The following PABPC4L variants were observed in gnomAD, a reference collection of about 807,000 sequenced individuals.
PABPC4L encodes the protein polyadenylate-binding protein 4-like.
For synonymous variants in PABPC4L, 169 were observed against 164.1 expected, an observed-to-expected ratio of 1.03 and a Z score of -0.23; for missense variants, 452 against 451.4, an observed-to-expected ratio of 1.00 and a Z score of -0.01.
the PABPC4L span, among the ~76,000 whole-genome samples, chr4:133,959,202 A>T: frequency 4.6e-5 from 7 of 152,342 alleles, no homozygotes; most frequent in South Asian, 1.2e-3. Flanking sequence ...GCTGTGTCAC[A>T]GTAGATAGTA....
chr4:134,082,726 C>T, the PABPC4L span, among the ~76,000 whole-genome samples: 134 of 152,124 alleles, frequency 8.8e-4, no homozygotes, highest in African/African-American at 3.2e-3. Flanking sequence ...TTCATTCTCT[C>T]CTCAACCTTA....
chr4:134,195,687 G>T (rs1578880193), downstream of PABPC4L, among the ~76,000 whole-genome samples: 1 of 151,768 alleles, frequency 6.6e-6, no homozygotes, highest in East Asian at 1.9e-4. Flanking sequence ...CTTCTCATTT[G>T]GATTCAATTG....
At chr4:133,993,249 G>A in the PABPC4L span, among the ~76,000 whole-genome samples, 2,214 of 152,052 alleles carry the variant, frequency 0.015, 32 homozygotes, top group Non-Finnish European at 0.024. Context: ...TGTTTTCTGA[G>A]CATATTTTTA....
the PABPC4L span, among the ~76,000 whole-genome samples, chr4:134,185,400 C>G: frequency 6.6e-6 from 1 of 151,958 alleles, no homozygotes; most frequent in South Asian, 2.1e-4. Flanking sequence ...AATCAATAAA[C>G]GTAATCCATC....
chr4:134,164,765 G>GA, the PABPC4L span, among the ~76,000 whole-genome samples: 7 of 149,916 alleles, frequency 4.7e-5, no homozygotes, highest in East Asian at 7.8e-4. Context: ...CACAGAATTA[G>GA]AAAAAAAAAG....
the PABPC4L span, among the ~76,000 whole-genome samples, chr4:134,130,401 C>G: frequency 6.6e-6 from 1 of 152,050 alleles, no homozygotes; most frequent in Non-Finnish European, 1.5e-5. Context: ...ATTATGAATG[C>G]CTTTATGCAG....
At chr4:134,027,256 GA>G in the PABPC4L span, among the ~76,000 whole-genome samples, 8 of 152,054 alleles carry the variant, frequency 5.3e-5, no homozygotes, top group Non-Finnish European at 4.4e-5. Context: ...ATTAACCTGA[GA>G]TTGCAATCCT....
At chr4:134,024,453 T>A in the PABPC4L span, among the ~76,000 whole-genome samples, 1 of 152,168 alleles carries the variant, frequency 6.6e-6, no homozygotes, top group Non-Finnish European at 1.5e-5. Flanking sequence ...GACCTGCAGA[T>A]GGCCACCTTC....
rs1318005403 is a variant in PABPC4L at position 134,200,063 on chromosome 4, A to G, written c.957T>C (p.Ile319=). Residue 319 remains isoleucine (I), a synonymous_variant, in exon 2 of 2, where the codon ATT becomes ATC. Coordinates refer to ENST00000421491, the MANE Select transcript of PABPC4L (RefSeq NM_001114734.2). ...LRNEFSSFGS[I]SRVKVMQEEG... is the part of the protein sequence containing the mutation. Reference sequence around the variant, plus strand: ...CTTCCTGCATTACCTTAACTCTGCTAATTGATCCAAATGAAGAAAATTCGT... The same window carrying G: ...CTTCCTGCATTACCTTAACTCTGCTGATTGATCCAAATGAAGAAAATTCGT... The G allele has an allele frequency of 6.4e-7, 1 of 1,551,682 alleles. No individual in the cohort carries two copies. Among genetic ancestry groups the G allele is most frequent in the African/African-American group, 1.4e-5 (1 of 73,168 alleles).
At chr4:134,026,526 G>A in the PABPC4L span, among the ~76,000 whole-genome samples, 1 of 152,062 alleles carries the variant, frequency 6.6e-6, no homozygotes, top group Non-Finnish European at 1.5e-5. Flanking sequence ...TAGTTAATAT[G>A]CAAGTCTGAT....
the PABPC4L span, among the ~76,000 whole-genome samples, chr4:134,099,616 A>T: frequency 6.6e-6 from 1 of 151,808 alleles, no homozygotes; most frequent in African/African-American, 2.4e-5. Context: ...TTTAAAAAAC[A>T]ATTACAAAAT....
At chr4:134,080,214 A>G in the PABPC4L span, among the ~76,000 whole-genome samples, 1 of 152,114 alleles carries the variant, frequency 6.6e-6, no homozygotes, top group African/African-American at 2.4e-5. Flanking sequence ...AGAAAACACG[A>G]TTTGATCCAT....
chr4:133,966,793 T>C, the PABPC4L span, among the ~76,000 whole-genome samples: 2 of 151,982 alleles, frequency 1.3e-5, no homozygotes, highest in African/African-American at 4.8e-5. Flanking sequence ...ACAATGGACT[T>C]TGGGGACTTG....
the PABPC4L span, among the ~76,000 whole-genome samples, chr4:134,003,321 C>T: frequency 6.6e-6 from 1 of 151,898 alleles, no homozygotes; most frequent in African/African-American, 2.4e-5. Context: ...TACTCAACAT[C>T]CATCACCTTC....
chr4:134,106,784 C>A, the PABPC4L span, among the ~76,000 whole-genome samples: 5 of 151,344 alleles, frequency 3.3e-5, no homozygotes, highest in African/African-American at 4.8e-5. Context: ...CAGTCTGATT[C>A]TTTCTGATAC....
chr4:134,139,720 A>G, the PABPC4L span, among the ~76,000 whole-genome samples: 4 of 150,884 alleles, frequency 2.7e-5, no homozygotes, highest in East Asian at 7.8e-4. Flanking sequence ...GAGAGACAAC[A>G]CTTTGCTATG....
chr4:134,012,721 GTCC>G, the PABPC4L span, among the ~76,000 whole-genome samples: 3 of 152,188 alleles, frequency 2.0e-5, no homozygotes, highest in African/African-American at 7.2e-5. Context: ...ACAACCTCAG[GTCC>G]TCAGACCAAC....
the PABPC4L span, among the ~76,000 whole-genome samples, chr4:134,082,544 A>G: frequency 6.6e-6 from 1 of 152,142 alleles, no homozygotes; most frequent in African/African-American, 2.4e-5. Flanking sequence ...TAATTTTTTA[A>G]TGTTTTTAAA....
the PABPC4L span, among the ~76,000 whole-genome samples, chr4:134,000,904 T>A: frequency 6.6e-6 from 1 of 152,236 alleles, no homozygotes; most frequent in East Asian, 1.9e-4. Flanking sequence ...TTCCTGGGTC[T>A]CCAGCTTTCT....
Sources: allele counts gnomAD v4.1 joint callset (sites outside exome capture counted in the v4.1 genomes callset), GRCh38; gene constraint gnomAD v4.1.1; transcripts MANE v1.5; gene names NCBI Gene and HGNC (gene_info 2026-07-23, HGNC 2026-07-21).